NCEH1: variants seen among roughly 807,000 people sequenced by gnomAD.
NCEH1 encodes the protein neutral cholesterol ester hydrolase 1.
Under a neutral mutation model 25.4 loss-of-function variants are expected in NCEH1, and 9 were observed. That is an observed-to-expected ratio of 0.35 (90% CI 0.21 to 0.62). The LOEUF (loss-of-function observed/expected upper bound fraction) is 0.62. Among genes scored for constraint, NCEH1 ranks in the 20% least tolerant of loss-of-function variants. The pLI is 0.72. For missense variants in NCEH1, 412 were observed against 501.1 expected (o/e 0.82, Z 1.70); for synonymous variants, 200 against 199.8 (o/e 1.00, Z -0.01).
chr3:172,633,891 G>T lies in NCEH1; in HGVS notation c.811C>A (p.His271Asn). The change falls in exon 5 of 5, where the codon CAC (histidine) becomes AAC (asparagine). Residue 271 changes from histidine to asparagine, a missense_variant. Physicochemically the swap from His to Asn is moderately conservative, Grantham distance 68. This residue lies in a region of NCEH1 where 210 missense variants were observed against 258.2 expected (regional missense o/e 0.81). Coordinates refer to ENST00000475381, the MANE Select transcript of NCEH1 (RefSeq NM_020792.6). ...GCCTCTTCCACATCAAGTGAAGTGT[G>T]ATTGTTAACGATCATTGCCTGCACA... is the stretch of plus-strand genomic sequence containing the variant. ...DFVQAMIVNN[H>N]TSLDVEEAAA... 1 of 1,614,222 alleles carries T rather than the reference G, an allele frequency of 6.2e-7. No individual in the cohort carries two copies. Among genetic ancestry groups the T allele is most frequent in the Non-Finnish European group, 8.5e-7 (1 of 1,180,034 alleles).
At chr3:172,689,069 G>T (rs1263055713) in intron 1 of NCEH1, among the ~76,000 whole-genome samples, 1 of 152,070 alleles carries the variant, frequency 6.6e-6, no homozygotes, top group African/African-American at 2.4e-5. Context: ...TTTACTCCTT[G>T]ACTACCCTTA....
chr3:172,649,945 A>G (rs566313155), intron 1 of NCEH1, among the ~76,000 whole-genome samples: 1 of 152,242 alleles, frequency 6.6e-6, no homozygotes, highest in Non-Finnish European at 1.5e-5. Context: ...TTCTTTAACT[A>G]TATGAAGCTG....
chr3:172,648,106 C>T lies in NCEH1; in HGVS notation c.147G>A (p.Leu49=). 6.2e-7 allele frequency: 1 copy of T among 1,614,060 alleles called. No homozygotes were observed. The highest frequency in any genetic ancestry group is 8.5e-7 in the Non-Finnish European group (1 of 1,180,000). Residue 49 remains leucine (L), a synonymous_variant, in exon 2 of 5, where the codon CTG becomes CTA. Coordinates refer to ENST00000475381, the MANE Select transcript of NCEH1 (RefSeq NM_020792.6). The part of the protein sequence containing the change: ...TFRGAQQVSN[L]IHYLGLSHHL... ...GATGGCTCAGTCCCAGGTAGTGGAT[C>T]AGGTTACTCTGCAGGGCGAGGGAGG...
chr3:172,689,701 G>A (rs1386317898), intron 1 of NCEH1, among the ~76,000 whole-genome samples: 1 of 148,884 alleles, frequency 6.7e-6, no homozygotes, highest in Non-Finnish European at 1.5e-5. Flanking sequence ...GACAGCCTGG[G>A]TGACAGAGCC....
At chr3:172,637,451 G>A (rs1344843749) in intron 3 of NCEH1, among the ~76,000 whole-genome samples, 1 of 152,108 alleles carries the variant, frequency 6.6e-6, no homozygotes, top group Non-Finnish European at 1.5e-5. Flanking sequence ...ATTTTCCACA[G>A]TCTAAAATCC....
chr3:172,644,032 C>T (rs959667201), intron 3 of NCEH1, among the ~76,000 whole-genome samples: 10 of 152,186 alleles, frequency 6.6e-5, no homozygotes, highest in Admixed American at 2.0e-4. Flanking sequence ...GGTCCAGGTG[C>T]GGTGGCTGCT....
intron 1 of NCEH1, among the ~76,000 whole-genome samples, chr3:172,652,396 G>C (rs886865578): frequency 2.6e-5 from 4 of 152,190 alleles, no homozygotes; most frequent in African/African-American, 9.7e-5. Flanking sequence ...TAAGAACAAA[G>C]GATATCTCAG....
chr3:172,643,352 A>T (rs1239188496), intron 3 of NCEH1, among the ~76,000 whole-genome samples: 4 of 152,002 alleles, frequency 2.6e-5, no homozygotes, highest in Non-Finnish European at 5.9e-5. Context: ...ACACCACCAT[A>T]CCTCACTGTT....
intron 1 of NCEH1, among the ~76,000 whole-genome samples, chr3:172,657,333 C>T (rs1212547557): frequency 2.0e-5 from 3 of 152,136 alleles, no homozygotes; most frequent in African/African-American, 7.2e-5. Flanking sequence ...TTAATATGGC[C>T]TACTCTCCCT....
chr3:172,710,809 G>A (rs1714258021), intron 1 of NCEH1, 38 bp downstream of exon 1: 4 of 1,608,990 alleles, frequency 2.5e-6, no homozygotes, highest in Middle Eastern at 1.7e-4. Flanking sequence ...TATTGCGTAA[G>A]AGGAGGAAGA....
Position 172,632,888 on chromosome 3 carries a change from T to C in NCEH1, c.*587A>G, listed in dbSNP as rs963239469. On this transcript the variant is annotated 3_prime_UTR_variant, in exon 5 of 5. Transcript: ENST00000475381. ...ACTTACAGATAGCGATCTCATAAAA[T>C]GAACATTCTAGAGGAAGAAAGTCCT... 7 of 152,778 alleles carry C rather than the reference T, an allele frequency of 4.6e-5. No individual in the cohort carries two copies. The highest frequency in any genetic ancestry group is 1.7e-4 in the African/African-American group (7 of 41,460). The allele number at this position is 152,778 out of a possible 1,614,324, so 9.5% of individuals were successfully genotyped here.
At chr3:172,710,546 T>C (rs191891749) in intron 1 of NCEH1, among the ~76,000 whole-genome samples, 1 of 152,344 alleles carries the variant, frequency 6.6e-6, no homozygotes, top group East Asian at 1.9e-4. Context: ...CCTTTTGACG[T>C]TGCAAACCAA....
intron 1 of NCEH1, among the ~76,000 whole-genome samples, chr3:172,663,529 C>G (rs913039393): frequency 2.6e-5 from 4 of 152,010 alleles, no homozygotes; most frequent in African/African-American, 9.7e-5. Flanking sequence ...TAACTTTCTG[C>G]CTCGTTGATC....
At chr3:172,645,116 C>T (rs1330743248) in intron 3 of NCEH1, among the ~76,000 whole-genome samples, 1 of 152,014 alleles carries the variant, frequency 6.6e-6, no homozygotes, top group Non-Finnish European at 1.5e-5. Context: ...TTCTTAGTTG[C>T]CCAGAAAAGT....
At chr3:172,641,186 C>A (rs751244058) in intron 3 of NCEH1, among the ~76,000 whole-genome samples, 3 of 151,798 alleles carry the variant, frequency 2.0e-5, no homozygotes, top group Non-Finnish European at 4.4e-5. Flanking sequence ...AAATATAAGG[C>A]CTTTTATATT....
At chr3:172,646,404 C>A (rs1281145745) in intron 2 of NCEH1, among the ~76,000 whole-genome samples, 1 of 152,062 alleles carries the variant, frequency 6.6e-6, no homozygotes, top group Non-Finnish European at 1.5e-5. Flanking sequence ...TCATTTGCTG[C>A]AGTTCAGTAA....
intron 1 of NCEH1, among the ~76,000 whole-genome samples, chr3:172,679,057 C>T (rs1712190196): frequency 6.6e-6 from 1 of 152,204 alleles, no homozygotes; most frequent in African/African-American, 2.4e-5. Context: ...TGGGACCTCA[C>T]ATTCTGTATT....
chr3:172,663,019 G>C lies in NCEH1; in HGVS notation c.139-14905C>G, dbSNP rs200805963. 5.0e-4 allele frequency among the ~76,000 whole-genome samples: 76 copies of C among 152,200 alleles called. No individual in the cohort carries two copies. In the East Asian group the frequency reaches 0.011, roughly 22 times the overall value. Reference sequence around the variant, plus strand: ...CTTCTGCTAGCTTTTGAATGTGTTTGCTCTTGCTTCTCTAGTTCTTTTAAT... The same window carrying C: ...CTTCTGCTAGCTTTTGAATGTGTTTCCTCTTGCTTCTCTAGTTCTTTTAAT... On this transcript the variant is annotated intron_variant, in intron 1 of 4. Transcript: ENST00000475381.
At chr3:172,668,818 A>G (rs9883371) in intron 1 of NCEH1, among the ~76,000 whole-genome samples, 10,698 of 152,268 alleles carry the variant, frequency 0.07, 1,301 homozygotes, top group African/African-American at 0.24. Context: ...ACAGACATAT[A>G]TATTTTCCCC....
Sources: gnomAD v4.1 joint callset for allele counts (sites outside exome capture counted in the v4.1 genomes callset) on GRCh38, gnomAD v4.1.1 for gene constraint, gnomAD v4.1.1 regional missense constraint, MANE v1.5 for transcripts, NCBI Gene and HGNC (gene_info 2026-07-23, HGNC 2026-07-21) for gene names.